Variants in DLGAP1 observed in about 807,000 individuals in gnomAD.
DLGAP1 encodes disks large-associated protein 1.
A neutral mutation model predicts 90.8 loss-of-function variants in DLGAP1; 11 were observed. That is an observed-to-expected ratio of 0.12 (90% CI 0.08 to 0.20). The LOEUF (loss-of-function observed/expected upper bound fraction) is 0.20, where lower values mean the gene tolerates loss of function less well. Among genes scored for constraint, DLGAP1 ranks in the 10% least tolerant of loss-of-function variants. The probability of loss-of-function intolerance (pLI) is 1.00; values close to 1 mark genes in which losing one functional copy is unlikely to be tolerated. For missense variants in DLGAP1, 1,050 were observed against 1,333.8 expected (o/e 0.79, Z 3.31); for synonymous variants, 558 against 540.7 (o/e 1.03, Z -0.44).
intron 4 of DLGAP1, among the ~76,000 whole-genome samples, chr18:3,876,363 T>C (rs1046484752): frequency 2.0e-5 from 3 of 152,204 alleles, no homozygotes; most frequent in African/African-American, 4.8e-5. Flanking sequence ...ATTCTCTTAC[T>C]AACATACTAC....
chr18:4,117,396 A>T (rs947555060), intron 2 of DLGAP1, among the ~76,000 whole-genome samples: 2 of 152,188 alleles, frequency 1.3e-5, no homozygotes, highest in Non-Finnish European at 2.9e-5. Flanking sequence ...TTGTAGCAAC[A>T]CTGCTTATTG....
intron 6 of DLGAP1, among the ~76,000 whole-genome samples, chr18:3,732,272 T>C (rs1352310905): frequency 1.3e-5 from 2 of 152,238 alleles, no homozygotes; most frequent in African/African-American, 2.4e-5. Context: ...CTAGAGGCCA[T>C]GTGTTTATTT....
rs374274361 is a variant in DLGAP1, at chr18:3,741,841, C to CTT, written c.1350+492_1350+493dup. On this transcript the variant is annotated intron_variant, in intron 6 of 12. Coordinates refer to ENST00000315677, the MANE Select transcript of DLGAP1 (RefSeq NM_004746.4). ...GTTTAAAAGCCGAAGTTTTCTTTTT[C>CTT]TTTTTCTTTTTTTTTAACAGAGAAA... Among the ~76,000 whole-genome samples the CTT allele has an allele frequency of 4.7e-3, 692 of 147,490 alleles. 5 individuals are homozygous for CTT. Among genetic ancestry groups the CTT allele is most frequent in the Middle Eastern group, 0.018 (5 of 282 alleles).
At chr18:3,647,528 C>T (rs572498637) in intron 7 of DLGAP1, among the ~76,000 whole-genome samples, 12 of 151,042 alleles carry the variant, frequency 7.9e-5, no homozygotes, top group South Asian at 4.2e-4. Flanking sequence ...TGTAATGGCA[C>T]GATCTTGGCT....
intron 2 of DLGAP1, among the ~76,000 whole-genome samples, chr18:4,060,270 T>C (rs1042577730): frequency 6.6e-6 from 1 of 152,212 alleles, no homozygotes; most frequent in South Asian, 2.1e-4. Flanking sequence ...TACTCTGTGC[T>C]AGTCTCCTCT....
chr18:4,076,318 C>T (rs1028520420), intron 2 of DLGAP1, among the ~76,000 whole-genome samples: 1 of 152,160 alleles, frequency 6.6e-6, no homozygotes, highest in Non-Finnish European at 1.5e-5. Flanking sequence ...AAAGCTTCTT[C>T]TACCAAGGCA....
intron 7 of DLGAP1, among the ~76,000 whole-genome samples, chr18:3,714,986 T>C (rs1959183475): frequency 6.6e-6 from 1 of 152,162 alleles, no homozygotes; most frequent in African/African-American, 2.4e-5. Context: ...TCTCTTTCTT[T>C]TAGATGAAGG....
At position 4,096,535 on chromosome 18, in the gene DLGAP1, T is replaced by C. The variant is rs577183907; in HGVS notation, c.-159+54645A>G. ...ACTTTTTGCCATTCTTTTTTTTTTT[T>C]CCCCTGGAATCTTTTCATAGGTTTC... On this transcript the variant is annotated intron_variant, in intron 2 of 12. Transcript: ENST00000315677. Among the ~76,000 whole-genome samples, 457 of 152,180 alleles carry C rather than the reference T, an allele frequency of 3.0e-3. 3 individuals are homozygous for C. The highest frequency in any genetic ancestry group is 0.01 in the African/African-American group (418 of 41,508).
chr18:3,953,696 A>G (rs1394384184), intron 3 of DLGAP1, among the ~76,000 whole-genome samples: 1 of 152,228 alleles, frequency 6.6e-6, no homozygotes, highest in East Asian at 1.9e-4. Flanking sequence ...CTTTGGTTAT[A>G]TACCCAGTAG....
chr18:4,428,804 AACTG>A (rs1389714895), intron 1 of DLGAP1, among the ~76,000 whole-genome samples: 1 of 152,210 alleles, frequency 6.6e-6, no homozygotes, highest in South Asian at 2.1e-4. Flanking sequence ...ACAGTGAGAA[AACTG>A]ACTAATACAC....
At chr18:4,068,997 A>ATGGCCTTCATTGAGTTACT (rs1281594962) in intron 2 of DLGAP1, among the ~76,000 whole-genome samples, 4 of 152,046 alleles carry the variant, frequency 2.6e-5, no homozygotes, top group African/African-American at 7.2e-5. Flanking sequence ...ATTTTGCTAC[A>ATGGCCTTCATTGAGTTACT]TGGCCTTCAT....
At chr18:3,638,562 ATCT>A (rs962604303) in intron 7 of DLGAP1, among the ~76,000 whole-genome samples, 3 of 152,004 alleles carry the variant, frequency 2.0e-5, no homozygotes, top group Admixed American at 6.6e-5. Flanking sequence ...TTCTCCCCCC[ATCT>A]TGTGATTTTA....
chr18:3,778,867 A>C (rs2065054819), intron 5 of DLGAP1, among the ~76,000 whole-genome samples: 1 of 152,212 alleles, frequency 6.6e-6, no homozygotes, highest in Non-Finnish European at 1.5e-5. Flanking sequence ...AGCGTGGCTC[A>C]GGGTCCTCTC....
intron 5 of DLGAP1, among the ~76,000 whole-genome samples, chr18:3,745,685 T>A (rs1327590821): frequency 1.3e-5 from 2 of 152,074 alleles, no homozygotes. Context: ...TATATTTTAT[T>A]TTTTATTTTT....
intron 5 of DLGAP1, among the ~76,000 whole-genome samples, chr18:3,761,578 C>CTTTCTT (rs781255215): frequency 7.4e-6 from 1 of 135,354 alleles, no homozygotes; most frequent in African/African-American, 2.8e-5. Flanking sequence ...TTCTTTCTTT[C>CTTTCTT]TTTTTTTTTT....
chr18:4,139,421 C>T (rs1339096158), intron 2 of DLGAP1, among the ~76,000 whole-genome samples: 1 of 151,864 alleles, frequency 6.6e-6, no homozygotes, highest in Non-Finnish European at 1.5e-5. Context: ...CATGTCTTTG[C>T]ATAGTTTCCA....
chr18:4,106,031 C>CAAAAA lies in DLGAP1; in HGVS notation c.-159+45144_-159+45148dup, dbSNP rs60176243. Among the ~76,000 whole-genome samples the CAAAAA allele has an allele frequency of 3.8e-3, 388 of 102,170 alleles. 15 individuals carry two copies. The highest frequency in any genetic ancestry group is 0.012 in the African/African-American group (363 of 29,754). 67.0% of individuals were successfully genotyped at this position (102,170 alleles called of 152,430 possible). On this transcript the variant is annotated intron_variant, in intron 2 of 12. Transcript: ENST00000315677. Reference sequence around the variant, plus strand: ...TGGGCGACAGAGCGAGGGTCCGTCTCAAAAAAAAAAAAAAAAAAAAAAAAA... The same window carrying CAAAAA: ...TGGGCGACAGAGCGAGGGTCCGTCTCAAAAAAAAAAAAAAAAAAAAAAAAAAAAAA...
Position 3,534,662 on chromosome 18 carries a change from T to TTTCC in DLGAP1, c.2058-51_2058-48dup, listed in dbSNP as rs539319280. 1,011 of 1,406,952 alleles carry TTTCC rather than the reference T, an allele frequency of 7.2e-4. 5 individuals carry two copies. Among genetic ancestry groups the TTTCC allele is most frequent in the African/African-American group, 2.8e-3 (180 of 64,274 alleles). 87.2% of individuals were successfully genotyped at this position (1,406,952 alleles called of 1,614,324 possible). Reference sequence around the variant, plus strand: ...AATTTAGTTAGAGGATATTTCTTTCTTTCCTTCCTTCCTTCCTTCCTTCCT... The same window carrying TTTCC: ...AATTTAGTTAGAGGATATTTCTTTCTTTCCTTCCTTCCTTCCTTCCTTCCTTCCT... On this transcript the variant is annotated intron_variant, in intron 9 of 12. Transcript: ENST00000315677.
intron 7 of DLGAP1, among the ~76,000 whole-genome samples, chr18:3,712,396 T>C (rs1207823175): frequency 6.6e-6 from 1 of 152,122 alleles, no homozygotes. Flanking sequence ...CTGTAGCACT[T>C]GGCCGAGGCC....
Sources: gnomAD v4.1 joint callset for allele counts (sites outside exome capture counted in the v4.1 genomes callset) on GRCh38, gnomAD v4.1.1 for gene constraint, MANE v1.5 for transcripts, NCBI Gene and HGNC (gene_info 2026-07-23, HGNC 2026-07-21) for gene names.